The following RPTOR variants were observed in gnomAD, a reference collection of about 807,000 sequenced individuals.
RPTOR encodes regulatory associated protein of MTOR complex 1, also known as regulatory-associated protein of mTOR.
A neutral mutation model predicts 169.9 loss-of-function variants in RPTOR; 21 were observed. The ratio of observed to expected loss-of-function variants is 0.12; its 90% confidence interval spans 0.09 to 0.18. The LOEUF is 0.18. Ranked by LOEUF, RPTOR falls within the 10% of genes least tolerant of loss-of-function variation. RPTOR has a pLI of 1.00. For missense variants in RPTOR, 1,133 were observed against 1,855.9 expected, an observed-to-expected ratio of 0.61 and a Z score of 7.16; for synonymous variants, 732 against 753.2, an observed-to-expected ratio of 0.97 and a Z score of 0.46.
chr17:80,560,142 A>G, intron 1 of RPTOR, among the ~76,000 whole-genome samples: 1 of 152,202 alleles, frequency 6.6e-6, no homozygotes. Flanking sequence ...TCTGCCCTTG[A>G]GTAACAAGGT....
intron 13 of RPTOR, 102 bp downstream of exon 13, chr17:80,858,002 C>T: frequency 1.1e-6 from 1 of 899,252 alleles, no homozygotes; most frequent in Admixed American, 2.0e-5. Flanking sequence ...CAGCCTCGCT[C>T]CCTCTCCAGG....
intron 3 of RPTOR, among the ~76,000 whole-genome samples, chr17:80,680,395 G>A (rs2065889770): frequency 6.6e-6 from 1 of 152,174 alleles, no homozygotes; most frequent in Non-Finnish European, 1.5e-5. Flanking sequence ...CAGCACTTTG[G>A]GAGGCCCAGG....
At position 80,824,337 on chromosome 17, in the gene RPTOR, T is replaced by C. The variant is rs1276922495; in HGVS notation, c.1136+1114T>C. The stretch of plus-strand genomic sequence containing the variant: ...AAATTGAAGTAAACCATTTAAATAA[T>C]GTGTAAATAAAACCACCGCACATTT... On this transcript the variant is annotated intron_variant, in intron 9 of 33. Transcript: ENST00000306801. Among the ~76,000 whole-genome samples, 4 of 152,280 alleles carry C rather than the reference T, an allele frequency of 2.6e-5. No homozygotes were observed. In the South Asian group the frequency reaches 6.2e-4, roughly 24 times the overall value.
intron 6 of RPTOR, among the ~76,000 whole-genome samples, chr17:80,771,930 C>A (rs1265610622): frequency 6.6e-6 from 1 of 152,178 alleles, no homozygotes; most frequent in Admixed American, 6.5e-5. Flanking sequence ...AGTGATCCTC[C>A]CACCTCAGCC....
rs368009260 is a variant in RPTOR at position 80,610,650 on chromosome 17, T to A, written c.163-15041T>A. 3.3e-5 allele frequency among the ~76,000 whole-genome samples: 5 copies of A among 152,272 alleles called. No individual in the cohort carries two copies. In the East Asian group the frequency reaches 9.6e-4, roughly 29 times the overall value. ...GTGAATGGGAAGGGAAACTTCCTGA[T>A]GTGATCCTTCAGCTGAACCTAGGGA... On this transcript the variant is annotated intron_variant, in intron 1 of 33. Transcript: ENST00000306801.
intron 14 of RPTOR, among the ~76,000 whole-genome samples, chr17:80,882,617 A>G (rs1234708284): frequency 6.6e-6 from 1 of 152,168 alleles, no homozygotes; most frequent in East Asian, 1.9e-4. Flanking sequence ...CTCCTTCCGA[A>G]CCCCACAGAC....
chr17:80,680,070 C>G (rs544104465), intron 3 of RPTOR, among the ~76,000 whole-genome samples: 6 of 148,610 alleles, frequency 4.0e-5, no homozygotes, highest in Admixed American at 2.7e-4. Context: ...CCAAGTGGGT[C>G]ACAGTTACTT....
At chr17:80,599,911 A>C (rs929605418) in intron 1 of RPTOR, among the ~76,000 whole-genome samples, 1 of 152,218 alleles carries the variant, frequency 6.6e-6, no homozygotes, top group Admixed American at 6.5e-5. Context: ...CAGAAAATTC[A>C]AAGTGCCACC....
intron 1 of RPTOR, among the ~76,000 whole-genome samples, chr17:80,548,210 A>G (rs944224329): frequency 6.7e-6 from 1 of 148,378 alleles, no homozygotes; most frequent in Non-Finnish European, 1.5e-5. Context: ...CAGCCTCCCC[A>G]GTAGCTGAGA....
intron 1 of RPTOR, among the ~76,000 whole-genome samples, chr17:80,608,877 G>A (rs1466981933): frequency 6.6e-6 from 1 of 152,228 alleles, no homozygotes; most frequent in Non-Finnish European, 1.5e-5. Flanking sequence ...GCTATAGTCT[G>A]CAGATAACTG....
chr17:80,545,576 C>T lies in RPTOR; in HGVS notation c.-54C>T. 1.4e-6 allele frequency: 2 copies of T among 1,399,772 alleles called. No individual in the cohort carries two copies. Among genetic ancestry groups the T allele is most frequent in the Non-Finnish European group, 2.0e-6 (2 of 1,016,052 alleles). The allele number at this position is 1,399,772 out of a possible 1,614,324, so 86.7% of individuals were successfully genotyped here. On this transcript the variant is annotated 5_prime_UTR_variant, in exon 1 of 34. Transcript: ENST00000306801. ...TTCTGGTACACGCTAGTTTTTAAGG[C>T]TGGAGGTTCTCGAGCGCTTGCTGCC... is the stretch of plus-strand genomic sequence containing the variant.
chr17:80,914,465 A>G (rs2068648958), intron 21 of RPTOR, among the ~76,000 whole-genome samples: 1 of 152,158 alleles, frequency 6.6e-6, no homozygotes. Flanking sequence ...TCCCAGGTGC[A>G]GCTGCAGCCA....
At chr17:80,930,484 G>A (rs200796761) in intron 24 of RPTOR, among the ~76,000 whole-genome samples, 1 of 59,620 alleles carries the variant, frequency 1.7e-5, no homozygotes. Context: ...CTCATCCCCA[G>A]CTCATCCCCA....
chr17:80,944,216 C>T (rs921093075), intron 25 of RPTOR, among the ~76,000 whole-genome samples: 2 of 152,218 alleles, frequency 1.3e-5, no homozygotes, highest in Non-Finnish European at 2.9e-5. Context: ...GTAATAGATC[C>T]CTCAGTCAAG....
chr17:80,637,402 C>T (rs2143578690), intron 2 of RPTOR, among the ~76,000 whole-genome samples: 1 of 152,338 alleles, frequency 6.6e-6, no homozygotes, highest in Non-Finnish European at 1.5e-5. Flanking sequence ...CCTGCGTTTC[C>T]AGCCCTGCCC....
intron 20 of RPTOR, among the ~76,000 whole-genome samples, chr17:80,899,481 G>A (rs911960822): frequency 1.3e-5 from 2 of 152,136 alleles, no homozygotes; most frequent in Non-Finnish European, 2.9e-5. Flanking sequence ...CCTGGCCCCG[G>A]CCACAGCTCC....
chr17:80,841,535 A>C (rs1449213171), intron 10 of RPTOR, among the ~76,000 whole-genome samples: 4 of 108,944 alleles, frequency 3.7e-5, no homozygotes, highest in East Asian at 3.1e-4. Flanking sequence ...GCTCACTCTC[A>C]CCACACGGCA....
At chr17:80,962,347 G>C in intron 31 of RPTOR, 114 bp from the exon 32 acceptor site, 1 of 822,980 alleles carries the variant, frequency 1.2e-6, no homozygotes, top group South Asian at 1.7e-5. Flanking sequence ...TTTTCCTTGA[G>C]CAGTGTGTGT....
At chr17:80,765,291 C>T (rs560477542) in intron 6 of RPTOR, among the ~76,000 whole-genome samples, 1 of 152,262 alleles carries the variant, frequency 6.6e-6, no homozygotes, top group South Asian at 2.1e-4. Context: ...TTCAGAGAGC[C>T]AGTTGTCTCA....
Sources: allele counts gnomAD v4.1 joint callset (sites outside exome capture counted in the v4.1 genomes callset), GRCh38; gene constraint gnomAD v4.1.1; transcripts MANE v1.5; gene names NCBI Gene and HGNC (gene_info 2026-07-23, HGNC 2026-07-21).